Variants in GRIK2 observed in about 807,000 individuals in gnomAD.
GRIK2 encodes the protein glutamate receptor ionotropic, kainate 2.
In GRIK2, 32 loss-of-function variants were observed where a neutral mutation model predicts 100.3. The observed-to-expected ratio is 0.32, with a 90% CI of 0.24 to 0.43. The LOEUF (loss-of-function observed/expected upper bound fraction) is 0.43, where lower values mean the gene tolerates loss of function less well. Ranked by LOEUF, GRIK2 falls within the 20% of genes least tolerant of loss-of-function variation. The pLI is 1.00. For missense variants in GRIK2, 843 were observed against 1,114.9 expected (o/e 0.76, Z 3.47); for synonymous variants, 417 against 389.4 (o/e 1.07, Z -0.83).
At chr6:101,564,645 G>A (rs555924986) in intron 2 of GRIK2, among the ~76,000 whole-genome samples, 20 of 152,176 alleles carry the variant, frequency 1.3e-4, no homozygotes, top group Admixed American at 2.0e-4. Flanking sequence ...AGAAGTTAAG[G>A]TGCCTCCTTG....
At chr6:101,715,612 C>A (rs991679875) in intron 7 of GRIK2, among the ~76,000 whole-genome samples, 3 of 151,662 alleles carry the variant, frequency 2.0e-5, no homozygotes, top group African/African-American at 7.3e-5. Context: ...AAACAACGGC[C>A]CATAAATGTT....
intron 14 of GRIK2, among the ~76,000 whole-genome samples, chr6:101,932,234 A>G (rs936182149): frequency 2.0e-5 from 3 of 152,040 alleles, no homozygotes; most frequent in Non-Finnish European, 4.4e-5. Context: ...TATTATGTGC[A>G]CTAATACATA....
intron 15 of GRIK2, among the ~76,000 whole-genome samples, chr6:102,042,661 C>CTT (rs1394555138): frequency 6.6e-6 from 1 of 151,610 alleles, no homozygotes; most frequent in Non-Finnish European, 1.5e-5. Context: ...TCTTATAATT[C>CTT]TTTCCTTGGA....
intron 2 of GRIK2, among the ~76,000 whole-genome samples, chr6:101,428,785 A>G (rs1769207498): frequency 6.6e-6 from 1 of 152,202 alleles, no homozygotes; most frequent in Non-Finnish European, 1.5e-5. Context: ...AGGAACGTTA[A>G]GTGTTGAAGT....
intron 2 of GRIK2, among the ~76,000 whole-genome samples, chr6:101,611,872 C>T (rs1235052507): frequency 2.0e-5 from 3 of 151,786 alleles, no homozygotes; most frequent in Non-Finnish European, 2.9e-5. Flanking sequence ...AACCAGCATA[C>T]ATTTAGGCAC....
intron 16 of GRIK2, among the ~76,000 whole-genome samples, chr6:102,061,975 T>G (rs542475161): frequency 6.7e-6 from 1 of 150,368 alleles, no homozygotes; most frequent in Admixed American, 6.6e-5. Flanking sequence ...TTATTTTTTC[T>G]AAAAATGCAT....
intron 2 of GRIK2, among the ~76,000 whole-genome samples, chr6:101,584,692 T>C (rs1419174786): frequency 6.6e-6 from 1 of 151,992 alleles, no homozygotes; most frequent in Non-Finnish European, 1.5e-5. Flanking sequence ...TAACAGATCT[T>C]CTAAATCAGC....
chr6:102,030,850 T>A (rs1253862815), intron 14 of GRIK2, among the ~76,000 whole-genome samples: 1 of 150,996 alleles, frequency 6.6e-6, no homozygotes, highest in Non-Finnish European at 1.5e-5. Context: ...TTAGCTTTGA[T>A]ATCCCCTCTG....
intron 10 of GRIK2, among the ~76,000 whole-genome samples, chr6:101,830,447 CA>C (rs988942749): frequency 6.6e-6 from 1 of 151,226 alleles, no homozygotes; most frequent in Middle Eastern, 3.4e-3. Context: ...GTTCTACATG[CA>C]AAAAAATATT....
At chr6:101,847,617 T>C (rs1582371728) in intron 10 of GRIK2, among the ~76,000 whole-genome samples, 4 of 152,266 alleles carry the variant, frequency 2.6e-5, no homozygotes, top group African/African-American at 9.6e-5. Flanking sequence ...CTTTGTAGTT[T>C]GGTTGTATAT....
intron 3 of GRIK2, among the ~76,000 whole-genome samples, chr6:101,624,463 T>TGTTTAAACAAGTGTTCTGACA: frequency 6.6e-6 from 1 of 152,338 alleles, no homozygotes; most frequent in South Asian, 2.1e-4. Flanking sequence ...TTTTAAAGAA[T>TGTTTAAACAAGTGTTCTGACA]GTTTAAACAA....
intron 7 of GRIK2, among the ~76,000 whole-genome samples, chr6:101,735,532 G>A (rs1248707178): frequency 6.6e-6 from 1 of 152,128 alleles, no homozygotes; most frequent in African/African-American, 2.4e-5. Context: ...CATCTTAGGT[G>A]GATGGCAGCA....
At chr6:101,453,678 T>C (rs896746424) in intron 2 of GRIK2, among the ~76,000 whole-genome samples, 1 of 151,972 alleles carries the variant, frequency 6.6e-6, no homozygotes, top group Non-Finnish European at 1.5e-5. Flanking sequence ...ACTAGGGCAA[T>C]ATGAATGTAA....
rs1475077510 is a variant in GRIK2 at position 101,749,154 on chromosome 6, GT to G, written c.952-50492del. 2.0e-5 allele frequency among the ~76,000 whole-genome samples: 3 copies of G among 152,280 alleles called. No individual in the cohort carries two copies. In the East Asian group the frequency reaches 5.8e-4, roughly 29 times the overall value. On this transcript the variant is annotated intron_variant, in intron 7 of 16. Coordinates refer to ENST00000369134, the MANE Select transcript of GRIK2 (RefSeq NM_021956.5). ...GACAGAGTCTGCCTCTGTCACCCAG[GT>G]TGAAGTGCAGTGGTGCGATCTCGGC...
At chr6:102,004,155 GATT>G (rs1795089596) in intron 14 of GRIK2, among the ~76,000 whole-genome samples, 1 of 149,626 alleles carries the variant, frequency 6.7e-6, no homozygotes, top group Non-Finnish European at 1.5e-5. Flanking sequence ...TTATTTATTT[GATT>G]ATATTTGTAT....
intron 2 of GRIK2, among the ~76,000 whole-genome samples, chr6:101,586,251 C>A (rs2128304824): frequency 6.6e-6 from 1 of 151,750 alleles, no homozygotes; most frequent in African/African-American, 2.4e-5. Flanking sequence ...TAAAAAATAA[C>A]TCAGAGAAAG....
intron 2 of GRIK2, among the ~76,000 whole-genome samples, chr6:101,540,406 GT>G (rs2128288237): frequency 6.6e-6 from 1 of 151,968 alleles, no homozygotes; most frequent in South Asian, 2.1e-4. Context: ...TATTTGGACT[GT>G]TTGTAACACA....
At chr6:101,508,535 A>T (rs1774134207) in intron 2 of GRIK2, among the ~76,000 whole-genome samples, 1 of 152,064 alleles carries the variant, frequency 6.6e-6, no homozygotes, top group Non-Finnish European at 1.5e-5. Flanking sequence ...TCTTTGCTTT[A>T]TTTCATAAGC....
intron 2 of GRIK2, among the ~76,000 whole-genome samples, chr6:101,493,392 C>A (rs1761471229): frequency 6.6e-6 from 1 of 151,966 alleles, no homozygotes; most frequent in Admixed American, 6.6e-5. Context: ...TACAAAGAAG[C>A]AAAATCTGAC....
Sources: allele counts gnomAD v4.1 joint callset (sites outside exome capture counted in the v4.1 genomes callset), GRCh38; gene constraint gnomAD v4.1.1; transcripts MANE v1.5; gene names NCBI Gene and HGNC (gene_info 2026-07-23, HGNC 2026-07-21).